ZRANB2: variants seen among roughly 807,000 people sequenced by gnomAD.
ZRANB2 encodes the protein zinc finger RANBP2-type containing 2.
In ZRANB2, 19 loss-of-function variants were observed where a neutral mutation model predicts 53.4. The ratio of observed to expected loss-of-function variants is 0.36; its 90% CI spans 0.25 to 0.52. The LOEUF is 0.52. ZRANB2 is among the 20% of genes least tolerant of loss of function. The probability of loss-of-function intolerance (pLI) is 0.93; values close to 1 mark genes in which losing one functional copy is unlikely to be tolerated. For missense variants in ZRANB2, 309 were observed against 401.1 expected, an observed-to-expected ratio of 0.77 and a Z score of 1.96; for synonymous variants, 145 against 134.8, an observed-to-expected ratio of 1.08 and a Z score of -0.52.
At position 71,072,181 on chromosome 1, in the gene ZRANB2, T is replaced by G; in HGVS notation, c.453A>C (p.Lys151Asn). 6.2e-7 allele frequency: 1 copy of G among 1,612,376 alleles called. No homozygotes were observed. The highest frequency in any genetic ancestry group is 8.5e-7 in the Non-Finnish European group (1 of 1,179,180). Residue 151 changes from lysine to asparagine, a missense_variant, in exon 6 of 10, where the codon AAA (lysine) becomes AAC (asparagine). Coordinates refer to ENST00000370920, the MANE Select transcript of ZRANB2 (RefSeq NM_203350.3). ...CATCCTCTTCTTCTCCCTCTGATTCTTTATCTTCAACTTCCTTTAATATAG... is the reference window on the plus strand; with the variant it reads ...CATCCTCTTCTTCTCCCTCTGATTCGTTATCTTCAACTTCCTTTAATATAG... ...PASILKEVED[K>N]ESEGEEEDED...
intron 4 of ZRANB2, among the ~76,000 whole-genome samples, chr1:71,076,369 A>C (rs1233315228): frequency 2.0e-5 from 3 of 152,236 alleles, no homozygotes; most frequent in Admixed American, 2.0e-4. Context: ...AAAGTTTTTC[A>C]GATAATCTAG....
chr1:71,064,961 G>C lies in ZRANB2; in HGVS notation c.*113C>G, dbSNP rs939216792. 2 of 600,640 alleles carry C rather than the reference G, an allele frequency of 3.3e-6. No individual in the cohort carries two copies. Among genetic ancestry groups the C allele is most frequent in the Non-Finnish European group, 5.9e-6 (2 of 341,394 alleles). The allele number at this position is 600,640 out of a possible 1,614,324, so 37.2% of individuals were successfully genotyped here. A position where few individuals can be genotyped will look rare whatever the true frequency, so the allele number is the denominator to read the frequency against. ...GTATTGTTTTGAAAAGCAATGAAAG[G>C]CATGCACCTCTACTAGCAGATTTAG... On this transcript the variant is annotated 3_prime_UTR_variant, in exon 10 of 10. Coordinates refer to ENST00000370920, the MANE Select transcript of ZRANB2 (RefSeq NM_203350.3).
chr1:71,078,755 T>G (rs764661532), intron 1 of ZRANB2, 47 bp from the exon 2 acceptor site: 1 of 1,519,654 alleles, frequency 6.6e-7, no homozygotes, highest in Non-Finnish European at 9.1e-7. Context: ...ATTTGTAAAA[T>G]TTTACATTTT....
rs769557770 is a variant in ZRANB2, at chr1:71,080,925, C to T, written c.56+15G>A. 1 of 1,614,022 alleles carries T rather than the reference C, an allele frequency of 6.2e-7. No homozygotes were observed. The highest frequency in any genetic ancestry group is 8.5e-7 in the Non-Finnish European group (1 of 1,179,896). On this transcript the variant is annotated intron_variant, in intron 1 of 9. Coordinates refer to ENST00000370920, the MANE Select transcript of ZRANB2 (RefSeq NM_203350.3). Reference sequence around the variant, plus strand: ...AACAAACTCCGTCCCAATTCAGGACCCTTCTTGAACTCACTTTTTGTCAGG... The same window carrying T: ...AACAAACTCCGTCCCAATTCAGGACTCTTCTTGAACTCACTTTTTGTCAGG...
chr1:71,069,922 A>G (rs543489711), intron 7 of ZRANB2, among the ~76,000 whole-genome samples: 51 of 152,260 alleles, frequency 3.3e-4, no homozygotes, highest in Admixed American at 1.7e-3. Context: ...TGGTTCGTAC[A>G]AATTTTAAAA....
intron 5 of ZRANB2, 87 bp downstream of exon 5, chr1:71,072,385 T>C: frequency 1.4e-6 from 2 of 1,465,820 alleles, no homozygotes; most frequent in Non-Finnish European, 1.9e-6. Flanking sequence ...AAATTGCACT[T>C]AAAAAAAAGT....
chr1:71,075,376 G>C (rs191096325), intron 4 of ZRANB2, among the ~76,000 whole-genome samples: 1 of 152,266 alleles, frequency 6.6e-6, no homozygotes, highest in East Asian at 1.9e-4. Flanking sequence ...ATGAGAAAGA[G>C]ATCATTGGAA....
chr1:71,079,126 T>C (rs1285951009), intron 1 of ZRANB2, among the ~76,000 whole-genome samples: 4 of 151,948 alleles, frequency 2.6e-5, no homozygotes. Flanking sequence ...GAGGGCTTCA[T>C]GGATCTTAAT....
intron 9 of ZRANB2, chr1:71,065,753 C>T (rs1661412437): frequency 6.2e-7 from 1 of 1,612,234 alleles, no homozygotes; most frequent in Non-Finnish European, 8.5e-7. Flanking sequence ...AATCACCTGG[C>T]TTATGGAATA....
At chr1:71,080,279 T>C (rs2101054212) in intron 1 of ZRANB2, among the ~76,000 whole-genome samples, 1 of 152,226 alleles carries the variant, frequency 6.6e-6, no homozygotes, top group Non-Finnish European at 1.5e-5. Flanking sequence ...GCAGAGCCAC[T>C]AACACACGTG....
chr1:71,072,724 C>T (rs1661621151), intron 4 of ZRANB2, among the ~76,000 whole-genome samples, 176 bp from the exon 5 acceptor site: 1 of 152,096 alleles, frequency 6.6e-6, no homozygotes. Context: ...ATACAGAGAA[C>T]TTAGTTGTAA....
chr1:71,076,315 C>T (rs1202078792), intron 4 of ZRANB2, among the ~76,000 whole-genome samples: 1 of 152,158 alleles, frequency 6.6e-6, no homozygotes, highest in African/African-American at 2.4e-5. Context: ...AAACCCACCG[C>T]CAAATAACTT....
chr1:71,074,195 C>T lies in ZRANB2; in HGVS notation c.302-1647G>A, dbSNP rs909203182. On this transcript the variant is annotated intron_variant, in intron 4 of 9. Transcript: ENST00000370920. ...TTTGGTGCTGTAAGACTCTTTTGCT[C>T]ACCTAGGTATCCCCAGCACCTTGCA... 7.2e-5 allele frequency among the ~76,000 whole-genome samples: 11 copies of T among 152,088 alleles called. No individual in the cohort carries two copies. In the South Asian group the frequency reaches 1.2e-3, roughly 17 times the overall value.
intron 9 of ZRANB2, 72 bp downstream of exon 9, chr1:71,066,704 G>T: frequency 2.0e-6 from 3 of 1,491,934 alleles, no homozygotes; most frequent in South Asian, 1.3e-5. Context: ...TCTAACCCTT[G>T]ACTAGGAAAG....
Position 71,066,796 on chromosome 1 carries a change from T to G in ZRANB2, c.909A>C (p.Thr303=). The G allele has an allele frequency of 6.2e-7, 1 of 1,612,414 alleles. No individual in the cohort carries two copies. The highest frequency in any genetic ancestry group is 2.2e-5 in the East Asian group (1 of 44,822). ...SSSGDRKKRR[T]RSRSPERRHR... is the part of the protein sequence containing the mutation. ...CAAACCTTTCGGGTGACCGTGATCT[T>G]GTTCGTCTTTTTTTGCGATCACCAG... is the stretch of plus-strand genomic sequence containing the variant. Residue 303 remains threonine, a synonymous_variant, in exon 9 of 10, where the codon ACA becomes ACC. Coordinates refer to ENST00000370920, the MANE Select transcript of ZRANB2 (RefSeq NM_203350.3).
At position 71,064,193 on chromosome 1, in the gene ZRANB2, CAAT is replaced by C. The variant is rs1661367718; in HGVS notation, c.*878_*880del. The C allele has an allele frequency of 6.6e-6, 1 of 152,374 alleles. No homozygotes were observed. Among genetic ancestry groups the C allele is most frequent in the African/African-American group, 2.4e-5 (1 of 41,440 alleles). The allele number at this position is 152,374 out of a possible 1,614,324, so 9.4% of individuals were successfully genotyped here. A position where few individuals can be genotyped will look rare whatever the true frequency, so the allele number is the denominator to read the frequency against. On this transcript the variant is annotated 3_prime_UTR_variant, in exon 10 of 10. Coordinates refer to ENST00000370920, the MANE Select transcript of ZRANB2 (RefSeq NM_203350.3). ...TGAGGCAAATGTTCACTTAAATTCA[CAAT>C]GTCTCCATTGGCCTTTCACCAAAAG...
intron 8 of ZRANB2, 23 bp downstream of exon 8, chr1:71,069,253 C>T: frequency 6.3e-7 from 1 of 1,588,676 alleles, no homozygotes; most frequent in Non-Finnish European, 8.6e-7. Flanking sequence ...CTCTGCTTTA[C>T]AGAGAGATGC....
At chr1:71,065,236 T>G (rs767509990) in intron 9 of ZRANB2, 99 bp from the exon 10 acceptor site, 4 of 894,374 alleles carry the variant, frequency 4.5e-6, no homozygotes, top group Non-Finnish European at 6.7e-6. Context: ...TTCAGTACCA[T>G]GATGCTAGCA....
rs1458539200 is a variant in ZRANB2 at position 71,064,408 on chromosome 1, TTC to T, written c.*664_*665del. ...AGAGAAAAGATAAACTCTTAAGACTTTCTTTTTTGCCCCAAATTATGTGTCAG... is the reference window on the plus strand; with the variant it reads ...AGAGAAAAGATAAACTCTTAAGACTTTTTTTTGCCCCAAATTATGTGTCAG... On this transcript the variant is annotated 3_prime_UTR_variant, in exon 10 of 10. Coordinates refer to ENST00000370920, the MANE Select transcript of ZRANB2 (RefSeq NM_203350.3). 1 of 152,420 alleles carries T rather than the reference TTC, an allele frequency of 6.6e-6. No individual in the cohort carries two copies. 9.4% of individuals were successfully genotyped at this position (152,420 alleles called of 1,614,324 possible).
Sources: allele counts gnomAD v4.1 joint callset (sites outside exome capture counted in the v4.1 genomes callset), GRCh38; gene constraint gnomAD v4.1.1; transcripts MANE v1.5; gene names NCBI Gene and HGNC (gene_info 2026-07-23, HGNC 2026-07-21).